PCDHGB3: variants seen among roughly 807,000 people sequenced by gnomAD.
PCDHGB3 encodes the protein protocadherin gamma subfamily B, 3, also known as protocadherin gamma-B3.
A neutral mutation model predicts 59.2 loss-of-function variants in PCDHGB3; 40 were observed. The ratio of observed to expected loss-of-function variants is 0.68; its 90% CI spans 0.52 to 0.88. The LOEUF (loss-of-function observed/expected upper bound fraction) is 0.88. Among genes scored for constraint, PCDHGB3 ranks in the 40% least tolerant of loss-of-function variants. The pLI, the probability that PCDHGB3 is intolerant of heterozygous loss-of-function variation, is 0.00. For synonymous variants in PCDHGB3, 581 were observed against 503.6 expected, an observed-to-expected ratio of 1.15 and a Z score of -2.06; for missense variants, 1,309 against 1,187.9, an observed-to-expected ratio of 1.10 and a Z score of -1.50.
chr5:141,436,099 T>C (rs1400528271), intron 1 of PCDHGB3, among the ~76,000 whole-genome samples: 1 of 152,128 alleles, frequency 6.6e-6, no homozygotes, highest in Non-Finnish European at 1.5e-5. Flanking sequence ...TTGAGAGAAA[T>C]AGAGGACAAT....
chr5:141,450,413 T>G (rs549247554), intron 1 of PCDHGB3, among the ~76,000 whole-genome samples: 1 of 152,334 alleles, frequency 6.6e-6, no homozygotes, highest in African/African-American at 2.4e-5. Context: ...GCCATTTGTC[T>G]TGTATAATGC....
At chr5:141,376,728 G>A (rs1773296004) in intron 1 of PCDHGB3, 1 of 538,000 alleles carries the variant, frequency 1.9e-6, no homozygotes, top group Non-Finnish European at 3.1e-6. Context: ...CGCCCAGGCC[G>A]GACTGCGGAC....
At chr5:141,492,197 TA>T (rs2099738125) in intron 1 of PCDHGB3, among the ~76,000 whole-genome samples, 1 of 152,200 alleles carries the variant, frequency 6.6e-6, no homozygotes, top group African/African-American at 2.4e-5. Flanking sequence ...CTGCGGGACT[TA>T]GGTGTGCGCG....
chr5:141,372,129 C>A lies in PCDHGB3; in HGVS notation c.1735C>A (p.Pro579Thr), dbSNP rs62620756. The A allele has an allele frequency of 0.034, 55,182 of 1,613,622 alleles. 1,045 individuals are homozygous for A. The highest frequency in any genetic ancestry group is 0.098 in the Middle Eastern group (587 of 6,010). The change falls in exon 1 of 4, where the codon CCG becomes ACG. Residue 579 changes from proline to threonine, a missense_variant. Pro to Thr is a conservative substitution (Grantham distance 38). Transcript: ENST00000576222. ...AGGCTCTGCGCTCTTCGATATGGTG[C>A]CGCGCTCTGCAGAGCCTGGCTACCT... ...PEGSALFDMV[P>T]RSAEPGYLVT... is the part of the protein sequence containing the mutation.
intron 1 of PCDHGB3, among the ~76,000 whole-genome samples, chr5:141,472,980 C>CAAA (rs60579131): frequency 5.8e-5 from 5 of 86,104 alleles, no homozygotes; most frequent in Non-Finnish European, 1.0e-4. Context: ...GAGTGAAACT[C>CAAA]AAAAAAAAAA....
At chr5:141,464,422 TATAG>T (rs2099083887) in intron 1 of PCDHGB3, among the ~76,000 whole-genome samples, 1 of 151,672 alleles carries the variant, frequency 6.6e-6, no homozygotes, top group African/African-American at 2.4e-5. Context: ...TATCTATATA[TATAG>T]ATATATATGT....
chr5:141,480,336 G>A (rs755963190), intron 1 of PCDHGB3, among the ~76,000 whole-genome samples: 1 of 151,988 alleles, frequency 6.6e-6, no homozygotes, highest in Non-Finnish European at 1.5e-5. Flanking sequence ...AATTGCTTGA[G>A]CCTGGGAGGT....
rs759356451 is a variant in PCDHGB3, at chr5:141,476,397, G to C, written c.2416-18410G>C. On this transcript the variant is annotated intron_variant, in intron 1 of 3. Transcript: ENST00000576222. The surrounding 1 kb of genome is among the most constrained non-coding windows in gnomAD (Gnocchi z 7.6). ...ATGTTTGTGAACGACCGTCTGGATC[G>C]AGAGGAGCTGTGTGGGACACTGCCC... The C allele has an allele frequency of 6.2e-7, 1 of 1,614,142 alleles. No individual in the cohort carries two copies. The highest frequency in any genetic ancestry group is 8.5e-7 in the Non-Finnish European group (1 of 1,180,036).
At chr5:141,494,156 C>T (rs566096073) in intron 1 of PCDHGB3, among the ~76,000 whole-genome samples, 22 of 152,316 alleles carry the variant, frequency 1.4e-4, no homozygotes, top group African/African-American at 4.3e-4. Context: ...TTGTCTGGCA[C>T]GGAGTTCTAG....
rs1413324509 is a variant in PCDHGB3 at position 141,431,464 on chromosome 5, G to T, written c.2415+58655G>T. The T allele has an allele frequency of 6.2e-7, 1 of 1,613,782 alleles. No homozygotes were observed. The highest frequency in any genetic ancestry group is 2.2e-5 in the East Asian group (1 of 44,880). ...GCATCCGCGTGATGGTTCTGGATGC[G>T]AACGACAACGCACCAGCGTTTGCTC... On this transcript the variant is annotated intron_variant, in intron 1 of 3. Transcript: ENST00000576222. This position sits in a 1 kb window ranked among gnomAD's most constrained non-coding sequence, Gnocchi z 4.8.
In PCDHGB3 at chr5:141,410,925, C is replaced by T. The variant is rs576126485; in HGVS notation, c.2415+38116C>T. The T allele has an allele frequency of 2.3e-5, 5 of 217,506 alleles. No individual in the cohort carries two copies. The East Asian group carries it at 5.8e-4, about 25-fold the overall frequency. 13.5% of individuals were successfully genotyped at this position (217,506 alleles called of 1,614,324 possible). Reference sequence around the variant, plus strand: ...CTGGAGTGCAGTGGCGTGATCTCTGCTCACTGCAACCTCCGCCTTCTGGGT... The same window carrying T: ...CTGGAGTGCAGTGGCGTGATCTCTGTTCACTGCAACCTCCGCCTTCTGGGT... On this transcript the variant is annotated intron_variant, in intron 1 of 3. Coordinates refer to ENST00000576222, the MANE Select transcript of PCDHGB3 (RefSeq NM_018924.5).
intron 3 of PCDHGB3, 89 bp from the exon 4 acceptor site, chr5:141,510,858 T>C (rs992991460): frequency 5.8e-5 from 93 of 1,606,182 alleles, no homozygotes; most frequent in South Asian, 1.0e-4. Flanking sequence ...GGGTGCTGTA[T>C]AGGCATTCAT....
chr5:141,389,656 C>A (rs763730959), intron 1 of PCDHGB3: 18 of 1,612,420 alleles, frequency 1.1e-5, no homozygotes, highest in South Asian at 1.1e-5. Flanking sequence ...AAGGTAGTGG[C>A]GGTGGACGCA....
chr5:141,380,233 G>A (rs1035611474), intron 1 of PCDHGB3, among the ~76,000 whole-genome samples: 49 of 152,114 alleles, frequency 3.2e-4, no homozygotes, highest in Non-Finnish European at 7.1e-4. Context: ...GGCTTCTGTT[G>A]AGGTGGCAAT....
At chr5:141,433,212 T>C (rs747556366) in intron 1 of PCDHGB3, 75 of 1,570,956 alleles carry the variant, frequency 4.8e-5, no homozygotes, top group Non-Finnish European at 6.2e-5. Flanking sequence ...TTCTTTCTTT[T>C]TTTTTTTTAA....
chr5:141,425,890 G>A (rs943076854), intron 1 of PCDHGB3, among the ~76,000 whole-genome samples: 1 of 152,118 alleles, frequency 6.6e-6, no homozygotes, highest in Non-Finnish European at 1.5e-5. Flanking sequence ...AATCTTCTTT[G>A]GTAGTAAACA....
At chr5:141,455,289 A>G (rs1592356100) in intron 1 of PCDHGB3, among the ~76,000 whole-genome samples, 2 of 152,192 alleles carry the variant, frequency 1.3e-5, no homozygotes, top group East Asian at 3.9e-4. Context: ...ATCACTTTAC[A>G]TAGTTTCATC....
Position 141,477,778 on chromosome 5 carries a change from C to T in PCDHGB3, c.2416-17029C>T, listed in dbSNP as rs866423908. On this transcript the variant is annotated intron_variant, in intron 1 of 3. Transcript: ENST00000576222. This position sits in a 1 kb window ranked among gnomAD's most constrained non-coding sequence, Gnocchi z 4.9. ...TCCTAGCCACCAACATCAGCGTGAA[C>T]ATATTTGTCACTGATCGCAATGACA... 2.5e-6 allele frequency: 4 copies of T among 1,614,052 alleles called. No homozygotes were observed. In the African/African-American group the frequency reaches 5.3e-5, roughly 22 times the overall value.
intron 1 of PCDHGB3, chr5:141,405,078 T>G: frequency 6.2e-7 from 1 of 1,613,888 alleles, no homozygotes; most frequent in Non-Finnish European, 8.5e-7. Flanking sequence ...ACCTTCGTTA[T>G]CACGCTGCTG....
Sources: gnomAD v4.1 joint callset for allele counts (sites outside exome capture counted in the v4.1 genomes callset) on GRCh38, gnomAD v4.1.1 for gene constraint, Gnocchi (gnomAD v3.1) non-coding constraint, MANE v1.5 for transcripts, NCBI Gene and HGNC (gene_info 2026-07-23, HGNC 2026-07-21) for gene names.